Variants in TM9SF2 observed in about 807,000 individuals in gnomAD.
TM9SF2 encodes transmembrane 9 superfamily member 2.
In TM9SF2, 13 loss-of-function variants were observed where a neutral mutation model predicts 84.9. The observed-to-expected ratio is 0.15, with a 90% confidence interval of 0.10 to 0.24. The LOEUF is 0.24. TM9SF2 is among the 10% of genes least tolerant of loss of function. The probability of loss-of-function intolerance (pLI) is 1.00; values close to 1 mark genes in which losing one functional copy is unlikely to be tolerated. For synonymous variants in TM9SF2, 273 were observed against 285.8 expected, an observed-to-expected ratio of 0.96 and a Z score of 0.45; for missense variants, 562 against 818.5, an observed-to-expected ratio of 0.69 and a Z score of 3.82.
chr13:99,517,631 T>C lies in TM9SF2; in HGVS notation c.189T>C (p.Phe63=). Residue 63 remains phenylalanine, a synonymous_variant, in exon 2 of 17, where the codon TTT becomes TTC. Coordinates refer to ENST00000376387, the MANE Select transcript of TM9SF2 (RefSeq NM_004800.3). ...SDECKAEIEL[F]VNRLDSVESV... ...ATTTTCAGGCCGAAATAGAACTATT[T>C]GTGAACAGACTTGATTCAGTGGAAT... The C allele has an allele frequency of 6.3e-7, 1 of 1,588,080 alleles. No individual in the cohort carries two copies. The highest frequency in any genetic ancestry group is 1.2e-5 in the South Asian group (1 of 85,898).
chr13:99,549,477 T>C (rs1566572507), intron 12 of TM9SF2, among the ~76,000 whole-genome samples: 1 of 152,194 alleles, frequency 6.6e-6, no homozygotes, highest in Non-Finnish European at 1.5e-5. Context: ...TGTTTCTTGG[T>C]TTTTAGTGGT....
At chr13:99,525,763 G>A (rs1283732550) in intron 3 of TM9SF2, among the ~76,000 whole-genome samples, 3 of 151,884 alleles carry the variant, frequency 2.0e-5, no homozygotes, top group Non-Finnish European at 2.9e-5. Context: ...CACTGTGTTA[G>A]CCAGGATGAT....
chr13:99,560,335 C>T (rs2046339534), intron 16 of TM9SF2, among the ~76,000 whole-genome samples: 3 of 152,168 alleles, frequency 2.0e-5, no homozygotes, highest in Admixed American at 1.3e-4. Context: ...AGCCTGGAGT[C>T]GGGTTTTGAA....
chr13:99,517,758 C>G (rs1269155444), intron 2 of TM9SF2, 77 bp downstream of exon 2: 1 of 997,780 alleles, frequency 1.0e-6, no homozygotes, highest in African/African-American at 1.7e-5. Context: ...ACTTTGTTTT[C>G]TCACAGTTAT....
chr13:99,515,999 T>A (rs1170901164), intron 1 of TM9SF2, among the ~76,000 whole-genome samples: 7 of 152,188 alleles, frequency 4.6e-5, no homozygotes, highest in Admixed American at 4.6e-4. Flanking sequence ...CCCAAAGTGC[T>A]GGGGTTACAG....
chr13:99,537,647 T>G, intron 5 of TM9SF2, 92 bp from the exon 6 acceptor site: 1 of 1,033,324 alleles, frequency 9.7e-7, no homozygotes. Flanking sequence ...AAACTTAAAT[T>G]TTCTTACTTG....
chr13:99,544,096 A>T, intron 10 of TM9SF2, 101 bp downstream of exon 10: 1 of 1,377,832 alleles, frequency 7.3e-7, no homozygotes, highest in South Asian at 1.3e-5. Context: ...TCATGCCTGT[A>T]ATCCTAGCAC....
Position 99,529,517 on chromosome 13 carries a change from C to A in TM9SF2, c.384C>A (p.Tyr128Ter). 1 of 1,591,934 alleles carries A rather than the reference C, an allele frequency of 6.3e-7. No homozygotes were observed. The highest frequency in any genetic ancestry group is 8.5e-7 in the Non-Finnish European group (1 of 1,172,024). Residue 128 changes from tyrosine to a stop codon, truncating the protein, a stop_gained, in exon 4 of 17, where the codon TAC (tyrosine) becomes TAA (stop). Coordinates refer to ENST00000376387, the MANE Select transcript of TM9SF2 (RefSeq NM_004800.3). LOFTEE classifies it high-confidence loss of function. Reference protein sequence around the residue: ...ETCKLVCTKTYHTEKAEDKQK... With the variant: ...ETCKLVCTKT ...GTAAGCTTGTTTGTACAAAAACATA[C>A]CATACAGAGAAAGCTGAAGACAAAC...
At chr13:99,517,417 T>C (rs1251498325) in intron 1 of TM9SF2, among the ~76,000 whole-genome samples, 197 bp from the exon 2 acceptor site, 2 of 152,214 alleles carry the variant, frequency 1.3e-5, no homozygotes, top group African/African-American at 4.8e-5. Context: ...GAGCCACCAT[T>C]CCTGGCCTTA....
At chr13:99,561,661 A>G (rs143345315) in intron 16 of TM9SF2, among the ~76,000 whole-genome samples, 1 of 152,322 alleles carries the variant, frequency 6.6e-6, no homozygotes, top group African/African-American at 2.4e-5. Context: ...GTAATGTCCC[A>G]TGTATAGTCT....
In TM9SF2 at chr13:99,536,662, G is replaced by A. The variant is rs2046235914; in HGVS notation, c.516G>A (p.Arg172=). 1.2e-6 allele frequency: 2 copies of A among 1,613,614 alleles called. No homozygotes were observed. The highest frequency in any genetic ancestry group is 1.1e-5 in the South Asian group (1 of 91,060). The change falls in exon 5 of 17, where the codon AGG becomes AGA. Residue 172 remains arginine (R), a synonymous_variant. Coordinates refer to ENST00000376387, the MANE Select transcript of TM9SF2 (RefSeq NM_004800.3). ...TWCYDVEDGQ[R]FCNPGFPIGC... ...GTTACGATGTTGAAGATGGTCAGAGGTTCTGTAATCCTGGATTTCCTATTG... is the reference window on the plus strand; with the variant it reads ...GTTACGATGTTGAAGATGGTCAGAGATTCTGTAATCCTGGATTTCCTATTG...
rs943375633 is a variant in TM9SF2 at position 99,540,782 on chromosome 13, T to C, written c.897T>C (p.Ile299=). 3.1e-6 allele frequency: 5 copies of C among 1,613,722 alleles called. No individual in the cohort carries two copies. The highest frequency in any genetic ancestry group is 2.7e-5 in the African/African-American group (2 of 75,056). Residue 299 remains isoleucine, a synonymous_variant, in exon 8 of 17, where the codon ATT becomes ATC. Transcript: ENST00000376387. The part of the protein sequence containing the change: ...YILESMPHTH[I]QWFSIMNSLV... ...TGGAGTCTATGCCTCATACCCACAT[T>C]CAGTGGTTTAGGTAAGAGTACAGAG...
Position 99,520,072 on chromosome 13 carries a change from A to G in TM9SF2, c.276A>G (p.Pro92=). Residue 92 remains proline, a synonymous_variant, in exon 3 of 17, where the codon CCA becomes CCG. Coordinates refer to ENST00000376387, the MANE Select transcript of TM9SF2 (RefSeq NM_004800.3). ...GCCAAGCATCAGAAGGAAAGCGCCC[A>G]TCTGAAAATCTTGGTCAGGTACTAT... is the stretch of plus-strand genomic sequence containing the variant. The part of the protein sequence containing the change: ...DFCQASEGKR[P]SENLGQVLFG... 1.9e-6 allele frequency: 3 copies of G among 1,614,024 alleles called. No individual in the cohort carries two copies. The highest frequency in any genetic ancestry group is 2.5e-6 in the Non-Finnish European group (3 of 1,179,946).
rs2046317234 is a variant in TM9SF2, at chr13:99,554,184, CTT to C, written c.1489-118_1489-117del. 7.4e-6 allele frequency: 9 copies of C among 1,220,974 alleles called. 1 individual carries two copies. In the South Asian group the frequency reaches 1.3e-4, roughly 18 times the overall value. The allele number at this position is 1,220,974 out of a possible 1,614,324, so 75.6% of individuals were successfully genotyped here. Reference sequence around the variant, plus strand: ...ATTTCAGTTTGATGTCTTAAGTAGACTTTATTGCCATTAGTGACAACATAGAA... The same window carrying C: ...ATTTCAGTTTGATGTCTTAAGTAGACTATTGCCATTAGTGACAACATAGAA... On this transcript the variant is annotated intron_variant, in intron 13 of 16. Coordinates refer to ENST00000376387, the MANE Select transcript of TM9SF2 (RefSeq NM_004800.3).
rs754603903 is a variant in TM9SF2 at position 99,520,027 on chromosome 13, T to C, written c.240-9T>C. 86 of 1,610,622 alleles carry C rather than the reference T, an allele frequency of 5.3e-5. No individual in the cohort carries two copies. The highest frequency in any genetic ancestry group is 7.1e-5 in the Non-Finnish European group (84 of 1,178,940). On this transcript the variant is annotated splice_polypyrimidine_tract_variant and intron_variant, in intron 2 of 16. Transcript: ENST00000376387. ...TTTATGTGTAAAAATTTAAATATTCTTCTCCCAGGTTTGATTTTTGCCAAG... is the reference window on the plus strand; with the variant it reads ...TTTATGTGTAAAAATTTAAATATTCCTCTCCCAGGTTTGATTTTTGCCAAG...
intron 11 of TM9SF2, among the ~76,000 whole-genome samples, chr13:99,547,876 A>G (rs2046290179): frequency 6.6e-6 from 1 of 152,170 alleles, no homozygotes; most frequent in Non-Finnish European, 1.5e-5. Context: ...GGACAACCTT[A>G]ATGTGGGGTT....
chr13:99,533,985 T>C (rs1298119350), intron 4 of TM9SF2, among the ~76,000 whole-genome samples: 5 of 152,138 alleles, frequency 3.3e-5, no homozygotes, highest in Non-Finnish European at 5.9e-5. Flanking sequence ...TTTATTCTTA[T>C]TTGGGGCTTT....
rs745394043 is a variant in TM9SF2, at chr13:99,554,471, A to C, written c.1640+16A>C. ...ATAGTATTTGGTAAGCTAAGGATAA[A>C]GTCCTCTCATTCTCATTACCATTAT... On this transcript the variant is annotated intron_variant, in intron 14 of 16. Coordinates refer to ENST00000376387, the MANE Select transcript of TM9SF2 (RefSeq NM_004800.3). The C allele has an allele frequency of 6.2e-7, 1 of 1,611,630 alleles. No individual in the cohort carries two copies. The highest frequency in any genetic ancestry group is 2.2e-5 in the East Asian group (1 of 44,822).
chr13:99,547,412 A>G (rs576022862), intron 11 of TM9SF2, among the ~76,000 whole-genome samples: 2 of 152,326 alleles, frequency 1.3e-5, no homozygotes, highest in East Asian at 1.9e-4. Context: ...GTGTTCATAG[A>G]AGCACATATA....
Sources: gnomAD v4.1 joint callset for allele counts (sites outside exome capture counted in the v4.1 genomes callset) on GRCh38, gnomAD v4.1.1 for gene constraint, MANE v1.5 for transcripts, NCBI Gene and HGNC (gene_info 2026-07-23, HGNC 2026-07-21) for gene names.